The following OR2L13 variants were observed in gnomAD, a reference collection of about 807,000 sequenced individuals.
The protein encoded by OR2L13 is olfactory receptor 2L13.
A neutral mutation model predicts 15.3 loss-of-function variants in OR2L13; 14 were observed. The ratio of observed to expected loss-of-function variants is 0.91; its 90% CI spans 0.60 to 1.43. The LOEUF is 1.43. Among genes scored for constraint, OR2L13 ranks in the 40% most tolerant of loss-of-function variants. The pLI, the probability that OR2L13 is intolerant of heterozygous loss-of-function variation, is 0.00. For missense variants in OR2L13, 367 were observed against 387.9 expected (o/e 0.95, Z 0.45); for synonymous variants, 152 against 142.9 (o/e 1.06, Z -0.45).
chr1:248,017,463 G>A, the OR2L13 span, among the ~76,000 whole-genome samples: 2 of 152,152 alleles, frequency 1.3e-5, no homozygotes, highest in African/African-American at 4.8e-5. Flanking sequence ...CACAAAATAC[G>A]TCTCCTGCCA....
the OR2L13 span, chr1:247,966,210 C>T: frequency 3.7e-5 from 60 of 1,613,594 alleles, no homozygotes; most frequent in East Asian, 1.3e-3. Flanking sequence ...CAGTATTTTA[C>T]ACCATTGTCA....
At chr1:248,078,793 AAG>A in the OR2L13 span, among the ~76,000 whole-genome samples, 1 of 152,164 alleles carries the variant, frequency 6.6e-6, no homozygotes, top group Non-Finnish European at 1.5e-5. Flanking sequence ...AGAAAATAAA[AAG>A]AACAAATTAT....
chr1:248,075,782 A>T, the OR2L13 span, among the ~76,000 whole-genome samples: 1 of 151,884 alleles, frequency 6.6e-6, no homozygotes, highest in Non-Finnish European at 1.5e-5. Flanking sequence ...GATTGCAAAA[A>T]TTTTCTCCCA....
the OR2L13 span, among the ~76,000 whole-genome samples, chr1:248,080,110 C>A: frequency 6.6e-6 from 1 of 151,876 alleles, no homozygotes; most frequent in Non-Finnish European, 1.5e-5. Flanking sequence ...ACTAGATGAT[C>A]TTTGTTGTAG....
At chr1:248,084,166 T>G in the OR2L13 span, 4 of 1,611,384 alleles carry the variant, frequency 2.5e-6, no homozygotes, top group Admixed American at 1.7e-5. Context: ...CAGGACGACA[T>G]GGTCATCCTC....
At chr1:247,945,985 A>T in the OR2L13 span, among the ~76,000 whole-genome samples, 1 of 152,164 alleles carries the variant, frequency 6.6e-6, no homozygotes, top group Non-Finnish European at 1.5e-5. Context: ...ATAAATAAAT[A>T]TGTAGGATGC....
the OR2L13 span, among the ~76,000 whole-genome samples, chr1:248,021,268 T>C: frequency 6.6e-6 from 1 of 152,228 alleles, no homozygotes; most frequent in Non-Finnish European, 1.5e-5. Flanking sequence ...CAAATATTAA[T>C]CTCTGGATAG....
the OR2L13 span, among the ~76,000 whole-genome samples, chr1:248,037,636 T>A: frequency 2.6e-5 from 4 of 152,210 alleles, no homozygotes; most frequent in South Asian, 2.1e-4. Flanking sequence ...AATGAGTTCA[T>A]CATTTAAGTG....
chr1:248,048,450 A>G, the OR2L13 span, among the ~76,000 whole-genome samples: 1 of 152,212 alleles, frequency 6.6e-6, no homozygotes. Context: ...AATCTCCTGT[A>G]GGATTCCATG....
At chr1:247,967,459 T>C in the OR2L13 span, among the ~76,000 whole-genome samples, 3 of 152,086 alleles carry the variant, frequency 2.0e-5, no homozygotes, top group African/African-American at 4.8e-5. Context: ...GAACTCCTGA[T>C]CTCAAGTGAT....
chr1:248,075,448 A>T, the OR2L13 span, among the ~76,000 whole-genome samples: 1 of 152,192 alleles, frequency 6.6e-6, no homozygotes, highest in African/African-American at 2.4e-5. Context: ...ACAATGGTTG[A>T]ACTAATTTAC....
chr1:248,039,901 A>C, the OR2L13 span: 1 of 152,198 alleles, frequency 6.6e-6, no homozygotes, highest in Non-Finnish European at 1.5e-5. Context: ...ATGTTTGTGG[A>C]GCAGCCAATT....
At chr1:248,028,642 C>T in the OR2L13 span, among the ~76,000 whole-genome samples, 3 of 152,286 alleles carry the variant, frequency 2.0e-5, no homozygotes, top group Non-Finnish European at 2.9e-5. Context: ...TTAGTTTCAT[C>T]GTTTCTACTG....
At chr1:247,991,178 T>C in the OR2L13 span, 3 of 1,602,864 alleles carry the variant, frequency 1.9e-6, no homozygotes, top group Non-Finnish European at 2.6e-6. Context: ...ACACGAGTGA[T>C]TCAGAAAATC....
At chr1:247,993,760 G>GAGAGA in the OR2L13 span, among the ~76,000 whole-genome samples, 2 of 53,708 alleles carry the variant, frequency 3.7e-5, no homozygotes, top group Admixed American at 2.1e-4. Context: ...ACAGAGAGAG[G>GAGAGA]GGGAGAGAGA....
At chr1:248,038,614 C>A in the OR2L13 span, 1 of 1,614,098 alleles carries the variant, frequency 6.2e-7, no homozygotes, top group South Asian at 1.1e-5. Flanking sequence ...CTCCTGACAT[C>A]AATGGCCTAT....
At chr1:248,069,962 C>T in the OR2L13 span, among the ~76,000 whole-genome samples, 6 of 152,110 alleles carry the variant, frequency 3.9e-5, no homozygotes, top group South Asian at 1.2e-3. Context: ...CAGGAGCACC[C>T]AGATTCATAA....
At chr1:248,009,739 T>A in the OR2L13 span, among the ~76,000 whole-genome samples, 6 of 152,194 alleles carry the variant, frequency 3.9e-5, no homozygotes, top group East Asian at 1.2e-3. Flanking sequence ...GCCAATATTC[T>A]TGATGAATGT....
At chr1:247,976,137 T>G in the OR2L13 span, among the ~76,000 whole-genome samples, 10 of 152,202 alleles carry the variant, frequency 6.6e-5, no homozygotes, top group Admixed American at 4.6e-4. Flanking sequence ...TAATTATTTT[T>G]GGGGATAAGC....
Sources: allele counts gnomAD v4.1 joint callset (sites outside exome capture counted in the v4.1 genomes callset), GRCh38; gene constraint gnomAD v4.1.1; transcripts MANE v1.5; gene names NCBI Gene and HGNC (gene_info 2026-07-23, HGNC 2026-07-21).